The following ESR1 variants were observed in gnomAD, a reference collection of about 807,000 sequenced individuals.
ESR1 encodes estrogen receptor 1.
A neutral mutation model predicts 52.7 loss-of-function variants in ESR1; 12 were observed. The ratio of observed to expected loss-of-function variants is 0.23; its 90% CI spans 0.15 to 0.37. The LOEUF (loss-of-function observed/expected upper bound fraction) is 0.37, where lower values mean the gene tolerates loss of function less well. Among genes scored for constraint, ESR1 ranks in the 10% least tolerant of loss-of-function variants. The pLI is 1.00. For missense variants in ESR1, 584 were observed against 779.7 expected (o/e 0.75, Z 2.99); for synonymous variants, 305 against 316.8 (o/e 0.96, Z 0.39).
At chr6:151,751,152 A>T (rs899875765) in intron 2 of ESR1, among the ~76,000 whole-genome samples, 6 of 152,152 alleles carry the variant, frequency 3.9e-5, no homozygotes, top group Non-Finnish European at 7.4e-5. Flanking sequence ...ATCCTAGACA[A>T]ATTTGCCTAA....
At chr6:151,792,640 A>C (rs1007189626) in intron 2 of ESR1, among the ~76,000 whole-genome samples, 1 of 151,996 alleles carries the variant, frequency 6.6e-6, no homozygotes, top group African/African-American at 2.4e-5. Context: ...GGGTTCTGCT[A>C]TGTTGACCAG....
At chr6:151,723,228 G>A (rs1469124527) in intron 2 of ESR1, among the ~76,000 whole-genome samples, 2 of 152,172 alleles carry the variant, frequency 1.3e-5, no homozygotes, top group Non-Finnish European at 2.9e-5. Context: ...TCTGAGGGGT[G>A]GGAGGGGAAG....
At chr6:151,994,282 TC>T (rs991655720) in intron 4 of ESR1, among the ~76,000 whole-genome samples, 1 of 152,108 alleles carries the variant, frequency 6.6e-6, no homozygotes, top group Non-Finnish European at 1.5e-5. Context: ...AACTCTGAGG[TC>T]CCTTCTAGCC....
intron 2 of ESR1, among the ~76,000 whole-genome samples, chr6:151,703,028 G>A (rs573900030): frequency 1.2e-4 from 18 of 152,174 alleles, no homozygotes; most frequent in Non-Finnish European, 2.2e-4. Context: ...GCAAGGGAGG[G>A]GTTGGGTGTA....
chr6:152,054,514 C>T lies in ESR1; in HGVS notation c.1236-6477C>T, dbSNP rs80128517. 6.0e-3 allele frequency among the ~76,000 whole-genome samples: 913 copies of T among 152,186 alleles called. 5 individuals carry two copies. Among genetic ancestry groups the T allele is most frequent in the Non-Finnish European group, 6.9e-3 (469 of 68,010 alleles). ...TCCAGACTCGTCTCTCTCCCCCAAT[C>T]TCCTTTGCGCACTGATGCCAAATTA... On this transcript the variant is annotated intron_variant, in intron 5 of 7. Coordinates refer to ENST00000206249, the MANE Select transcript of ESR1 (RefSeq NM_000125.4).
chr6:151,876,071 A>T (rs1562501675), intron 2 of ESR1, among the ~76,000 whole-genome samples: 1 of 152,094 alleles, frequency 6.6e-6, no homozygotes, highest in Non-Finnish European at 1.5e-5. Context: ...GCCCAGCGCA[A>T]AATTGGTTTC....
At chr6:152,074,646 G>A (rs2048591041) in intron 6 of ESR1, among the ~76,000 whole-genome samples, 1 of 152,140 alleles carries the variant, frequency 6.6e-6, no homozygotes, top group South Asian at 2.1e-4. Context: ...AGTATGTTTA[G>A]TTTTGAAGGA....
chr6:151,864,887 A>G (rs1217211794), intron 2 of ESR1, among the ~76,000 whole-genome samples: 1 of 140,786 alleles, frequency 7.1e-6, no homozygotes, highest in Non-Finnish European at 1.5e-5. Flanking sequence ...GAATTGAACA[A>G]TAAGAACACT....
At chr6:151,941,250 G>T (rs145621197) in intron 3 of ESR1, among the ~76,000 whole-genome samples, 1 of 151,962 alleles carries the variant, frequency 6.6e-6, no homozygotes, top group African/African-American at 2.4e-5. Flanking sequence ...CTGTAGATCC[G>T]CTATTAAAGA....
At chr6:151,711,179 CA>C (rs1226603279) in intron 2 of ESR1, among the ~76,000 whole-genome samples, 2 of 151,888 alleles carry the variant, frequency 1.3e-5, no homozygotes, top group African/African-American at 4.8e-5. Context: ...AGTGTAAAAG[CA>C]TTCTTATTTC....
At chr6:152,080,765 A>G (rs2049130154) in intron 6 of ESR1, among the ~76,000 whole-genome samples, 1 of 152,204 alleles carries the variant, frequency 6.6e-6, no homozygotes, top group African/African-American at 2.4e-5. Context: ...TCACGTGCAA[A>G]AATGCACATA....
At chr6:152,022,981 A>G (rs1484588762) in intron 5 of ESR1, among the ~76,000 whole-genome samples, 1 of 151,488 alleles carries the variant, frequency 6.6e-6, no homozygotes, top group Non-Finnish European at 1.5e-5. Context: ...CTGTCTCAAA[A>G]AAAAAAAAAA....
intron 6 of ESR1, among the ~76,000 whole-genome samples, chr6:152,067,085 C>G (rs111744644): frequency 2.6e-4 from 39 of 152,288 alleles, no homozygotes; most frequent in African/African-American, 9.1e-4. Flanking sequence ...AAATAAATCC[C>G]TGCCTGGAAA....
At chr6:152,012,113 G>A (rs1046789091) in intron 5 of ESR1, among the ~76,000 whole-genome samples, 8 of 149,824 alleles carry the variant, frequency 5.3e-5, no homozygotes, top group African/African-American at 2.0e-4. Context: ...TCTTCAACTT[G>A]TATCATATAA....
intron 4 of ESR1, among the ~76,000 whole-genome samples, chr6:151,984,543 T>C (rs934389202): frequency 4.6e-5 from 7 of 152,152 alleles, no homozygotes; most frequent in African/African-American, 1.7e-4. Context: ...TCTGTTATTA[T>C]ACACTAGCTG....
intron 4 of ESR1, among the ~76,000 whole-genome samples, chr6:151,954,080 CG>C (rs1253118758): frequency 1.3e-5 from 2 of 152,142 alleles, no homozygotes; most frequent in Non-Finnish European, 2.9e-5. Context: ...GTCTCAAGCA[CG>C]CGCCTGTACA....
intron 1 of ESR1, among the ~76,000 whole-genome samples, chr6:151,685,302 T>G (rs1778621677): frequency 6.8e-6 from 1 of 148,032 alleles, no homozygotes; most frequent in Non-Finnish European, 1.5e-5. Flanking sequence ...CCCGGCTAAT[T>G]TTTTGTATTT....
chr6:151,927,323 T>C (rs2032909125), intron 3 of ESR1, among the ~76,000 whole-genome samples: 1 of 152,166 alleles, frequency 6.6e-6, no homozygotes, highest in Non-Finnish European at 1.5e-5. Flanking sequence ...AATATCTTTA[T>C]CTGATTTGGG....
At chr6:151,669,324 C>T (rs1201479010) in intron 1 of ESR1, among the ~76,000 whole-genome samples, 1 of 151,394 alleles carries the variant, frequency 6.6e-6, no homozygotes, top group Admixed American at 6.6e-5. Flanking sequence ...TGAGGAAGTA[C>T]AGGAGGGGTG....
Sources: allele counts gnomAD v4.1 joint callset (sites outside exome capture counted in the v4.1 genomes callset), GRCh38; gene constraint gnomAD v4.1.1; transcripts MANE v1.5; gene names NCBI Gene and HGNC (gene_info 2026-07-23, HGNC 2026-07-21).